The following MAGED1 variants were observed in gnomAD, a reference collection of about 807,000 sequenced individuals.
MAGED1 encodes the protein MAGE family member D1.
A neutral mutation model predicts 54.1 loss-of-function variants in MAGED1; 3 were observed. The ratio of observed to expected loss-of-function variants is 0.06; its 90% CI spans 0.03 to 0.14. The LOEUF is 0.14. MAGED1 is among the 10% of genes least tolerant of loss of function. The pLI, the probability that MAGED1 is intolerant of heterozygous loss-of-function variation, is 1.00. For synonymous variants in MAGED1, 217 were observed against 227.3 expected, an observed-to-expected ratio of 0.95 and a Z score of 0.41; for missense variants, 485 against 623.4, an observed-to-expected ratio of 0.78 and a Z score of 2.36.
At chrX:51,847,416 C>G (rs1926725134) in intron 1 of MAGED1, among the ~76,000 whole-genome samples, 1 of 111,585 alleles carries the variant, frequency 9.0e-6, no homozygotes, top group Non-Finnish European at 1.9e-5. Flanking sequence ...TTATTGAGTT[C>G]ATTTTTAACT....
At chrX:51,882,420 C>G (rs1187042201) in intron 1 of MAGED1, among the ~76,000 whole-genome samples, 1 of 111,055 alleles carries the variant, frequency 9.0e-6, no homozygotes, top group Non-Finnish European at 1.9e-5. Context: ...CCCTATTCAT[C>G]TCTGGAAAAA....
chrX:51,833,407 G>A (rs1557357628), intron 1 of MAGED1, among the ~76,000 whole-genome samples: 1 of 111,170 alleles, frequency 9.0e-6, no homozygotes, highest in Non-Finnish European at 1.9e-5. Flanking sequence ...ATCTTAGTAA[G>A]TGTGCTGTTG....
intron 1 of MAGED1, among the ~76,000 whole-genome samples, chrX:51,820,682 T>G: frequency 8.9e-6 from 1 of 112,057 alleles, no homozygotes; most frequent in East Asian, 2.8e-4. Flanking sequence ...TTTCAATAGA[T>G]GTATACATTG....
chrX:51,830,756 C>T (rs1284252541), intron 1 of MAGED1, among the ~76,000 whole-genome samples: 3 of 111,461 alleles, frequency 2.7e-5, no homozygotes, highest in African/African-American at 9.8e-5. Flanking sequence ...GCCATTTTCC[C>T]CAACTGATCT....
chrX:51,826,878 A>G (rs782069572), intron 1 of MAGED1, among the ~76,000 whole-genome samples: 2 of 112,526 alleles, frequency 1.8e-5, no homozygotes, highest in Non-Finnish European at 3.8e-5. Context: ...GCGTTCCTTG[A>G]TATTTACTCA....
rs906367909 is a variant in MAGED1 at position 51,898,289 on chromosome X, C to T, written c.1743C>T (p.Val581=). Reference sequence around the variant, plus strand: ...TCCCCTTGCCTCCCATTGCAGCTGTCCTCTGGGAGGCACTACGCAAGATGG... The same window carrying T: ...TCCCCTTGCCTCCCATTGCAGCTGTTCTCTGGGAGGCACTACGCAAGATGG... The part of the protein sequence containing the change: ...FMNGNRASEA[V]LWEALRKMGL... The change falls in exon 9 of 13, where the codon GTC becomes GTT. Residue 581 remains valine (V), a synonymous_variant. Coordinates refer to ENST00000326587, the MANE Select transcript of MAGED1 (RefSeq NM_006986.4). The T allele has an allele frequency of 6.6e-6, 8 of 1,208,703 alleles. No homozygotes were observed. The African/African-American group carries it at 1.4e-4, about 21-fold the overall frequency.
intron 1 of MAGED1, among the ~76,000 whole-genome samples, chrX:51,867,389 T>C (rs1389035963): frequency 8.9e-6 from 1 of 111,868 alleles, no homozygotes; most frequent in African/African-American, 3.2e-5. Context: ...CAATAGGCTA[T>C]CGGCAAGCTG....
At chrX:51,880,481 A>G (rs1227347811) in intron 1 of MAGED1, among the ~76,000 whole-genome samples, 1 of 112,102 alleles carries the variant, frequency 8.9e-6, no homozygotes, top group Non-Finnish European at 1.9e-5. Flanking sequence ...GGAACTTGAC[A>G]TATAATTTAT....
chrX:51,835,553 T>C (rs1926214990), intron 1 of MAGED1, among the ~76,000 whole-genome samples: 1 of 111,640 alleles, frequency 9.0e-6, no homozygotes, highest in African/African-American at 3.3e-5. Context: ...TGTGTCTTTT[T>C]GTTTTTCCTG....
chrX:51,827,452 A>G (rs1274108924), intron 1 of MAGED1, among the ~76,000 whole-genome samples: 3 of 111,921 alleles, frequency 2.7e-5, no homozygotes, highest in African/African-American at 9.7e-5. Flanking sequence ...GTATGGTACT[A>G]TAATAGTGGA....
At position 51,901,785 on chromosome X, in the gene MAGED1, C is replaced by T; in HGVS notation, c.2192C>T (p.Pro731Leu). 1 of 1,211,537 alleles carries T rather than the reference C, an allele frequency of 8.3e-7. No homozygotes were observed. The highest frequency in any genetic ancestry group is 1.1e-6 in the Non-Finnish European group (1 of 895,499). Reference protein sequence around the residue: ...GDFGDPWSRIPFTFWARYHQN... With the variant: ...GDFGDPWSRILFTFWARYHQN... ...TTTGGAGATCCCTGGTCCAGAATTC[C>T]ATTTACCTTCTGGGCCAGATACCAC... The change falls in exon 12 of 13, where the codon CCA becomes CTA. Residue 731 changes from proline (P) to leucine (L), a missense_variant. This residue lies in a region of MAGED1 where 186 missense variants were observed against 330.3 expected (regional missense o/e 0.56). Transcript: ENST00000326587.
chrX:51,900,079 G>A (rs1003677710), intron 10 of MAGED1, 103 bp from the exon 11 acceptor site: 13 of 526,504 alleles, frequency 2.5e-5, no homozygotes, highest in Non-Finnish European at 4.3e-5. Flanking sequence ...GCCCAAGGGG[G>A]AGTTGCTATC....
chrX:51,811,064 T>G (rs185549515), intron 1 of MAGED1, among the ~76,000 whole-genome samples: 47 of 112,394 alleles, frequency 4.2e-4, no homozygotes, highest in Non-Finnish European at 6.4e-4. Context: ...TTTAGTTATT[T>G]CATTAATGTT....
chrX:51,871,451 T>A (rs782162167), intron 1 of MAGED1, among the ~76,000 whole-genome samples: 10 of 106,349 alleles, frequency 9.4e-5, no homozygotes, highest in African/African-American at 2.7e-4. Context: ...GGCCCTGGTG[T>A]GTGATGTTCC....
chrX:51,863,210 G>A (rs185154166), intron 1 of MAGED1, among the ~76,000 whole-genome samples: 6 of 112,131 alleles, frequency 5.4e-5, no homozygotes, highest in Middle Eastern at 4.6e-3. Flanking sequence ...TAAGTGAGAT[G>A]ATGCAGTATT....
chrX:51,826,497 A>G (rs1321424260), intron 1 of MAGED1, among the ~76,000 whole-genome samples: 3 of 111,426 alleles, frequency 2.7e-5, no homozygotes, highest in African/African-American at 9.8e-5. Context: ...GTCCTTCTCC[A>G]TTGAATTACC....
chrX:51,845,277 A>C (rs1926642908), intron 1 of MAGED1, among the ~76,000 whole-genome samples: 1 of 111,564 alleles, frequency 9.0e-6, no homozygotes, highest in Non-Finnish European at 1.9e-5. Context: ...CAAAACAAAC[A>C]AACAAAAAAT....
intron 1 of MAGED1, among the ~76,000 whole-genome samples, chrX:51,825,070 T>A (rs1257429577): frequency 9.0e-6 from 1 of 110,677 alleles, no homozygotes; most frequent in African/African-American, 3.3e-5. Context: ...GAAAGACATA[T>A]GTCTATGAGG....
intron 1 of MAGED1, among the ~76,000 whole-genome samples, chrX:51,839,437 T>C (rs1292166645): frequency 8.9e-6 from 1 of 111,876 alleles, no homozygotes; most frequent in Non-Finnish European, 1.9e-5. Flanking sequence ...CATGAGCAGC[T>C]TCAGATCCAT....
Sources: allele counts gnomAD v4.1 joint callset (sites outside exome capture counted in the v4.1 genomes callset), GRCh38; gene constraint gnomAD v4.1.1; regional missense constraint gnomAD v4.1.1; transcripts MANE v1.5; gene names NCBI Gene and HGNC (gene_info 2026-07-23, HGNC 2026-07-21).